The following WASF3 variants were observed in gnomAD, a reference collection of about 807,000 sequenced individuals.
WASF3 encodes the protein WASP family member 3.
WASF3 carries 11 observed loss-of-function variants against 46.6 expected under a neutral mutation model. That is an observed-to-expected ratio of 0.24 (90% confidence interval 0.15 to 0.39). The LOEUF is 0.39. Among genes scored for constraint, WASF3 ranks in the 10% least tolerant of loss-of-function variants. The pLI is 1.00. For missense variants in WASF3, 576 were observed against 669.8 expected (o/e 0.86, Z 1.55); for synonymous variants, 242 against 259.7 (o/e 0.93, Z 0.65).
intron 1 of WASF3, among the ~76,000 whole-genome samples, chr13:26,574,473 T>C (rs1879732483): frequency 1.3e-5 from 2 of 152,176 alleles, no homozygotes; most frequent in Admixed American, 1.3e-4. Flanking sequence ...GATTTTTTTT[T>C]TGTCTGATTA....
chr13:26,558,080 C>T (rs1358562211), intron 1 of WASF3, among the ~76,000 whole-genome samples: 1 of 151,756 alleles, frequency 6.6e-6, no homozygotes, highest in African/African-American at 2.4e-5. Flanking sequence ...CCAGGCGGCC[C>T]TTCTCTCCCG....
intron 2 of WASF3, among the ~76,000 whole-genome samples, chr13:26,631,752 T>C (rs9512289): frequency 0.18 from 26,647 of 152,166 alleles, 2,684 homozygotes; most frequent in South Asian, 0.27. Context: ...AATCTATAAA[T>C]TACCTTGGGC....
chr13:26,590,638 A>G (rs535620525), intron 1 of WASF3, among the ~76,000 whole-genome samples: 6 of 152,316 alleles, frequency 3.9e-5, no homozygotes, highest in East Asian at 3.9e-4. Context: ...CAATATGTCA[A>G]AAGTCTGCTA....
At chr13:26,666,828 G>A (rs1882786863) in intron 4 of WASF3, among the ~76,000 whole-genome samples, 2 of 141,304 alleles carry the variant, frequency 1.4e-5, no homozygotes, top group Non-Finnish European at 3.0e-5. Flanking sequence ...GAACCCGGGA[G>A]GCTGCACTCC....
the WASF3 span, among the ~76,000 whole-genome samples, chr13:26,549,709 T>C: frequency 2.0e-5 from 3 of 152,274 alleles, no homozygotes; most frequent in African/African-American, 7.2e-5. Flanking sequence ...AAAAATAAAA[T>C]TTTAAAAACA....
chr13:26,596,865 T>G (rs1466916501), intron 1 of WASF3, among the ~76,000 whole-genome samples: 1 of 152,202 alleles, frequency 6.6e-6, no homozygotes, highest in African/African-American at 2.4e-5. Flanking sequence ...CTATGTCCAG[T>G]TTTCTGTTAA....
intron 6 of WASF3, among the ~76,000 whole-genome samples, chr13:26,672,633 A>G (rs1007449486): frequency 2.0e-5 from 3 of 152,216 alleles, no homozygotes; most frequent in Admixed American, 2.0e-4. Context: ...TAGGCCACTG[A>G]GAGGAATAAT....
chr13:26,598,593 T>C (rs1307715519), intron 1 of WASF3, among the ~76,000 whole-genome samples: 1 of 152,200 alleles, frequency 6.6e-6, no homozygotes, highest in Non-Finnish European at 1.5e-5. Context: ...GGCTTTGAAG[T>C]AGCATTAATT....
chr13:26,653,541 C>A (rs750691560), intron 3 of WASF3, among the ~76,000 whole-genome samples: 1 of 152,208 alleles, frequency 6.6e-6, no homozygotes, highest in Non-Finnish European at 1.5e-5. Flanking sequence ...CTTCTTACTT[C>A]ATCTGTTACT....
intron 1 of WASF3, among the ~76,000 whole-genome samples, chr13:26,568,349 A>G (rs1879535905): frequency 6.6e-6 from 1 of 152,066 alleles, no homozygotes; most frequent in African/African-American, 2.4e-5. Flanking sequence ...TCCTGCCTTG[A>G]GGAGGTCTTA....
At chr13:26,560,161 T>G (rs1279482138) in intron 1 of WASF3, among the ~76,000 whole-genome samples, 1 of 152,086 alleles carries the variant, frequency 6.6e-6, no homozygotes, top group Non-Finnish European at 1.5e-5. Context: ...AAGGGCCCTG[T>G]TTCTTTCAAG....
Position 26,687,723 on chromosome 13 carries a change from C to CTTTTTTTTT in WASF3, c.*1884_*1892dup, listed in dbSNP as rs370715617. 1 of 139,078 alleles carries CTTTTTTTTT rather than the reference C, an allele frequency of 7.2e-6. No homozygotes were observed. Among genetic ancestry groups the CTTTTTTTTT allele is most frequent in the Non-Finnish European group, 1.5e-5 (1 of 65,172 alleles). The allele number at this position is 139,078 out of a possible 1,614,324, so 8.6% of individuals were successfully genotyped here. A position where few individuals can be genotyped will look rare whatever the true frequency, so the allele number is the denominator to read the frequency against. On this transcript the variant is annotated 3_prime_UTR_variant, in exon 10 of 10. Coordinates refer to ENST00000335327, the MANE Select transcript of WASF3 (RefSeq NM_006646.6). ...AAATTTCTAATTTCTCTCTCTCTCT[C>CTTTTTTTTT]TTTTTTTTTTTTTTGTTGTTGTTAA... is the stretch of plus-strand genomic sequence containing the variant.
At chr13:26,654,990 C>T (rs942294649) in intron 3 of WASF3, among the ~76,000 whole-genome samples, 1 of 152,114 alleles carries the variant, frequency 6.6e-6, no homozygotes, top group African/African-American at 2.4e-5. Flanking sequence ...TTTAACTTTT[C>T]ATTTTGAAAT....
At chr13:26,578,201 T>C (rs1241800583) in intron 1 of WASF3, among the ~76,000 whole-genome samples, 1 of 152,224 alleles carries the variant, frequency 6.6e-6, no homozygotes, top group Non-Finnish European at 1.5e-5. Context: ...TAGATATTCC[T>C]CCCTTGTTCC....
rs1256055506 is a variant in WASF3, at chr13:26,679,998, C to A, written c.717-1056C>A. The A allele has an allele frequency of 4.4e-6, 7 of 1,583,528 alleles. No homozygotes were observed. The highest frequency in any genetic ancestry group is 1.3e-5 in the African/African-American group (1 of 74,776). The stretch of plus-strand genomic sequence containing the variant: ...ATGCAGCGTGCATCTTCCCTGCTCC[C>A]TCAGCACCCCCAATGTGTGTTTGGT... On this transcript the variant is annotated intron_variant, in intron 7 of 9. Coordinates refer to ENST00000335327, the MANE Select transcript of WASF3 (RefSeq NM_006646.6). The surrounding 1 kb of genome is among the most constrained non-coding windows in gnomAD (Gnocchi z 4.8).
chr13:26,577,235 G>A, intron 1 of WASF3: 2 of 734,786 alleles, frequency 2.7e-6, no homozygotes, highest in Non-Finnish European at 5.0e-6. Flanking sequence ...AAAAATGGCA[G>A]ACAGTGATTA....
chr13:26,571,601 G>C (rs1349626895), intron 1 of WASF3, among the ~76,000 whole-genome samples: 2 of 152,084 alleles, frequency 1.3e-5, no homozygotes. Context: ...TGTTCTGTCT[G>C]TTCATATGCT....
At chr13:26,568,664 T>C in intron 1 of WASF3, among the ~76,000 whole-genome samples, 1 of 152,106 alleles carries the variant, frequency 6.6e-6, no homozygotes, top group South Asian at 2.1e-4. Flanking sequence ...TGGAGCATTG[T>C]GTTAGAGTGA....
chr13:26,682,584 T>G lies in WASF3; in HGVS notation c.984-23T>G, dbSNP rs1204790482. On this transcript the variant is annotated intron_variant, in intron 8 of 9. Transcript: ENST00000335327. The surrounding 1 kb of genome is among the most constrained non-coding windows in gnomAD (Gnocchi z 4.4). ...GACCCTCTCTTGTTCCCTTGGTGACTATGTGCCTCATATCTCTCTCAGGAT... is the reference window on the plus strand; with the variant it reads ...GACCCTCTCTTGTTCCCTTGGTGACGATGTGCCTCATATCTCTCTCAGGAT... 1.2e-6 allele frequency: 2 copies of G among 1,613,928 alleles called. No individual in the cohort carries two copies. The highest frequency in any genetic ancestry group is 1.7e-6 in the Non-Finnish European group (2 of 1,179,950).
Sources: allele counts gnomAD v4.1 joint callset (sites outside exome capture counted in the v4.1 genomes callset), GRCh38; gene constraint gnomAD v4.1.1; non-coding constraint Gnocchi (gnomAD v3.1); transcripts MANE v1.5; gene names NCBI Gene and HGNC (gene_info 2026-07-23, HGNC 2026-07-21).